Variants in TRPS1 observed in about 807,000 individuals in gnomAD.
TRPS1 encodes zinc finger transcription factor Trps1.
In TRPS1, 6 loss-of-function variants were observed where a neutral mutation model predicts 101.2. The ratio of observed to expected loss-of-function variants is 0.06; its 90% CI spans 0.03 to 0.12. The LOEUF is 0.12. Among genes scored for constraint, TRPS1 ranks in the 10% least tolerant of loss-of-function variants. TRPS1 has a pLI of 1.00. For missense variants in TRPS1, 1,363 were observed against 1,567.0 expected (o/e 0.87, Z 2.20); for synonymous variants, 578 against 589.8 (o/e 0.98, Z 0.29).
At chr8:115,463,508 T>G (rs532989631) in intron 5 of TRPS1, among the ~76,000 whole-genome samples, 2 of 152,212 alleles carry the variant, frequency 1.3e-5, no homozygotes, top group Admixed American at 1.3e-4. Context: ...GAGGTCAGAT[T>G]TGGGGACCTC....
intron 5 of TRPS1, among the ~76,000 whole-genome samples, chr8:115,543,514 G>A (rs1816501338): frequency 6.6e-6 from 1 of 151,990 alleles, no homozygotes; most frequent in South Asian, 2.1e-4. Context: ...TTGGTTCTAA[G>A]ATATGCAAGT....
intron 5 of TRPS1, among the ~76,000 whole-genome samples, chr8:115,435,569 G>A (rs1376200772): frequency 1.3e-5 from 2 of 152,120 alleles, no homozygotes; most frequent in African/African-American, 4.8e-5. Flanking sequence ...GGGAATTGAA[G>A]TGATCTGACT....
intron 5 of TRPS1, among the ~76,000 whole-genome samples, chr8:115,494,753 C>G (rs532810325): frequency 6.6e-6 from 1 of 152,126 alleles, no homozygotes; most frequent in African/African-American, 2.4e-5. Context: ...TGACCTAAAT[C>G]ATTCTAATTA....
At chr8:115,474,776 T>C (rs999291645) in intron 5 of TRPS1, among the ~76,000 whole-genome samples, 2 of 152,140 alleles carry the variant, frequency 1.3e-5, no homozygotes, top group Admixed American at 6.5e-5. Flanking sequence ...TAAAAACAAA[T>C]TGGAGAGGGC....
At chr8:115,621,054 T>C (rs958190571) in intron 2 of TRPS1, among the ~76,000 whole-genome samples, 2 of 152,232 alleles carry the variant, frequency 1.3e-5, no homozygotes, top group Non-Finnish European at 2.9e-5. Context: ...GTGACATCAG[T>C]GACTGGGGTC....
intron 5 of TRPS1, among the ~76,000 whole-genome samples, chr8:115,546,288 C>G (rs892544381): frequency 9.9e-5 from 15 of 151,720 alleles, no homozygotes. Context: ...ATAGTTTTAA[C>G]AAGATTCCCA....
At chr8:115,598,476 T>G (rs777544699) in intron 4 of TRPS1, among the ~76,000 whole-genome samples, 8 of 151,980 alleles carry the variant, frequency 5.3e-5, no homozygotes, top group Non-Finnish European at 1.0e-4. Flanking sequence ...TCAGATCATG[T>G]TTTTATTTTT....
chr8:115,482,761 C>A (rs942065520), intron 5 of TRPS1, among the ~76,000 whole-genome samples: 6 of 152,026 alleles, frequency 3.9e-5, no homozygotes, highest in African/African-American at 7.2e-5. Flanking sequence ...ATGGTTACAG[C>A]AACAAAAGAA....
chr8:115,432,254 T>A (rs1180634), intron 5 of TRPS1, among the ~76,000 whole-genome samples: 151,816 of 151,816 alleles, frequency 1, 75,908 homozygotes, highest in Non-Finnish European at 1. Context: ...ACGAAGAATT[T>A]ATTTATGCAT....
chr8:115,569,641 T>C (rs1442257104), intron 5 of TRPS1, among the ~76,000 whole-genome samples: 2 of 152,120 alleles, frequency 1.3e-5, no homozygotes, highest in Non-Finnish European at 1.5e-5. Context: ...TCACACTTTC[T>C]GGGCTATATG....
chr8:115,475,266 T>TTATATATATATATATATATATATA (rs33922102), intron 5 of TRPS1, among the ~76,000 whole-genome samples: 9 of 124,002 alleles, frequency 7.3e-5, no homozygotes, highest in African/African-American at 3.1e-4. Flanking sequence ...TGAATCACAG[T>TTATATATATATATATATATATATA]TATATATATA....
chr8:115,623,649 G>GA lies in TRPS1; in HGVS notation c.-13_-12insT, dbSNP rs776380532. 2.5e-6 allele frequency: 4 copies of GA among 1,611,088 alleles called. No homozygotes were observed. The highest frequency in any genetic ancestry group is 3.4e-6 in the Non-Finnish European group (4 of 1,178,636). The stretch of plus-strand genomic sequence containing the variant: ...ACTTCATAAGGCATGTGGCTTTAGA[G>GA]TGCTTTTTACAATTATTAATTCTAT... On this transcript the variant is annotated 5_prime_UTR_variant, in exon 2 of 7. Transcript: ENST00000395715.
At chr8:115,540,472 G>C (rs1214193654) in intron 5 of TRPS1, among the ~76,000 whole-genome samples, 1 of 151,950 alleles carries the variant, frequency 6.6e-6, no homozygotes, top group East Asian at 1.9e-4. Flanking sequence ...AAAATAAAAA[G>C]GATTCTTGAA....
At chr8:115,535,126 A>T (rs62513028) in intron 5 of TRPS1, among the ~76,000 whole-genome samples, 1 of 147,990 alleles carries the variant, frequency 6.8e-6, no homozygotes, top group Non-Finnish European at 1.5e-5. Context: ...GCATATGTAT[A>T]GCATATATAT....
At chr8:115,564,619 G>T (rs1380335723) in intron 5 of TRPS1, among the ~76,000 whole-genome samples, 1 of 152,006 alleles carries the variant, frequency 6.6e-6, no homozygotes, top group Non-Finnish European at 1.5e-5. Context: ...AGCTCATAGT[G>T]CCCATTACAC....
intron 1 of TRPS1, among the ~76,000 whole-genome samples, chr8:115,641,431 C>G (rs941343401): frequency 2.6e-5 from 4 of 152,220 alleles, no homozygotes; most frequent in African/African-American, 9.6e-5. Context: ...GCAGCAGCGT[C>G]TCTGTAGGGA....
At position 115,604,113 on chromosome 8, in the gene TRPS1, G is replaced by C. The variant is rs750803049; in HGVS notation, c.1856C>G (p.Ala619Gly). ...ALLLLHLSPG[A>G]AGSSRVKHQC... ...ATGTTTGACTCGCGAGCTTCCAGCC[G>C]CCCCAGGAGACAAGTGCAGAAGCAA... Residue 619 changes from alanine to glycine, a missense_variant, in exon 4 of 7, where the codon GCG (alanine) becomes GGG (glycine). Transcript: ENST00000395715. This position sits in a 1 kb window ranked among gnomAD's most constrained non-coding sequence, Gnocchi z 4.1. The C allele has an allele frequency of 3.1e-6, 5 of 1,614,068 alleles. No homozygotes were observed. The highest frequency in any genetic ancestry group is 4.2e-6 in the Non-Finnish European group (5 of 1,179,996).
intron 1 of TRPS1, among the ~76,000 whole-genome samples, chr8:115,652,701 A>G (rs1405641019): frequency 6.6e-6 from 1 of 152,246 alleles, no homozygotes; most frequent in Non-Finnish European, 1.5e-5. Flanking sequence ...CTAGATTCCA[A>G]GAATGGTCCG....
At position 115,666,309 on chromosome 8, in the gene TRPS1, G is replaced by C. The variant is rs1394151565; in HGVS notation, c.-122+2236C>G. ...AAAAAAAAAAAATCCTCAAAATGTT[G>C]GTATCATTTCCAGACTGTCCTGTCA... On this transcript the variant is annotated intron_variant, in intron 1 of 6. Transcript: ENST00000395715. Among the ~76,000 whole-genome samples, 3 of 151,464 alleles carry C rather than the reference G, an allele frequency of 2.0e-5. No individual in the cohort carries two copies. In the East Asian group the frequency reaches 5.8e-4, roughly 29 times the overall value.
Sources: gnomAD v4.1 joint callset for allele counts (sites outside exome capture counted in the v4.1 genomes callset) on GRCh38, gnomAD v4.1.1 for gene constraint, Gnocchi (gnomAD v3.1) non-coding constraint, MANE v1.5 for transcripts, NCBI Gene and HGNC (gene_info 2026-07-23, HGNC 2026-07-21) for gene names.